The following GSTA4 variants were observed in gnomAD, a reference collection of about 807,000 sequenced individuals.
GSTA4 encodes glutathione S-transferase alpha 4.
GSTA4 carries 15 observed loss-of-function variants against 24.4 expected under a neutral mutation model. The ratio of observed to expected loss-of-function variants is 0.61; its 90% CI spans 0.41 to 0.95. GSTA4 has a LOEUF of 0.95. Among genes scored for constraint, GSTA4 ranks in the 40% least tolerant of loss-of-function variants. The pLI is 0.00. For synonymous variants in GSTA4, 92 were observed against 94.2 expected (o/e 0.98, Z 0.13); for missense variants, 244 against 262.1 (o/e 0.93, Z 0.48).
rs10658673 is a variant in GSTA4, at chr6:52,980,311, G to GTTTT, written c.547-1723_547-1720dup. ...TGCATGCCTGGAAAGATTTCACTTTGTTTTTTTTTTTGAGACACAGTTTTG... is the reference window on the plus strand; with the variant it reads ...TGCATGCCTGGAAAGATTTCACTTTGTTTTTTTTTTTTTTTGAGACACAGTTTTG... On this transcript the variant is annotated intron_variant, in intron 6 of 6. Transcript: ENST00000370963. Among the ~76,000 whole-genome samples the GTTTT allele has an allele frequency of 1.4e-3, 201 of 147,230 alleles. 1 individual carries two copies. The highest frequency in any genetic ancestry group is 2.3e-3 in the African/African-American group (91 of 39,758).
intron 6 of GSTA4, among the ~76,000 whole-genome samples, chr6:52,980,258 T>C (rs2127383061): frequency 6.6e-6 from 1 of 152,222 alleles, no homozygotes; most frequent in Admixed American, 6.5e-5. Flanking sequence ...GAGGTGTGTG[T>C]CTATGTGTAC....
chr6:52,990,903 T>C (rs532102617), intron 2 of GSTA4, among the ~76,000 whole-genome samples: 5 of 152,304 alleles, frequency 3.3e-5, no homozygotes, highest in Non-Finnish European at 7.4e-5. Flanking sequence ...GATCCAACAA[T>C]TGCTGCCCTG....
chr6:52,990,720 A>G (rs994815673), intron 2 of GSTA4, among the ~76,000 whole-genome samples: 1 of 152,240 alleles, frequency 6.6e-6, no homozygotes, highest in African/African-American at 2.4e-5. Context: ...TCCATTCAAA[A>G]CCTATGAAAT....
intron 2 of GSTA4, among the ~76,000 whole-genome samples, chr6:52,990,066 A>G (rs533522505): frequency 6.6e-5 from 10 of 152,270 alleles, no homozygotes; most frequent in Admixed American, 3.3e-4. Flanking sequence ...CTCCCAGTTA[A>G]TGGTAGAAAT....
chr6:52,994,800 C>T (rs1561988607), intron 1 of GSTA4, among the ~76,000 whole-genome samples: 3 of 152,132 alleles, frequency 2.0e-5, no homozygotes, highest in Admixed American at 6.5e-5. Context: ...GGCTGCGCCC[C>T]CCGGGTCCCG....
intron 5 of GSTA4, among the ~76,000 whole-genome samples, chr6:52,983,758 A>T (rs943086786): frequency 6.6e-6 from 1 of 152,160 alleles, no homozygotes; most frequent in Non-Finnish European, 1.5e-5. Context: ...ATCCTATTTT[A>T]CATTCACAAA....
chr6:52,979,738 C>T (rs1452373418), intron 6 of GSTA4, among the ~76,000 whole-genome samples: 1 of 152,196 alleles, frequency 6.6e-6, no homozygotes, highest in Non-Finnish European at 1.5e-5. Context: ...ATTAAGCACA[C>T]ACACAAACAT....
chr6:52,993,056 T>G (rs1485065810), intron 2 of GSTA4, among the ~76,000 whole-genome samples: 1 of 151,286 alleles, frequency 6.6e-6, no homozygotes, highest in Non-Finnish European at 1.5e-5. Flanking sequence ...TGAGCCGAGA[T>G]CACACCACTG....
intron 5 of GSTA4, 28 bp downstream of exon 5, chr6:52,984,436 T>C: frequency 6.3e-7 from 1 of 1,590,176 alleles, no homozygotes; most frequent in Non-Finnish European, 8.5e-7. Context: ...TTGGTTGCTC[T>C]GTGTATGTAG....
intron 3 of GSTA4, among the ~76,000 whole-genome samples, chr6:52,987,124 T>A (rs544070288): frequency 6.6e-6 from 1 of 152,154 alleles, no homozygotes; most frequent in Non-Finnish European, 1.5e-5. Flanking sequence ...GGAGAGGAGC[T>A]GTTCACCGGG....
intron 5 of GSTA4, among the ~76,000 whole-genome samples, chr6:52,983,821 C>T (rs1763499033): frequency 6.6e-6 from 1 of 152,166 alleles, no homozygotes; most frequent in Non-Finnish European, 1.5e-5. Context: ...CCAGAAAATA[C>T]CTCTCCTTTT....
At chr6:52,991,381 A>G (rs6904771) in intron 2 of GSTA4, among the ~76,000 whole-genome samples, 11,769 of 152,254 alleles carry the variant, frequency 0.077, 1,231 homozygotes, top group African/African-American at 0.23. Context: ...TGGGGTTGAT[A>G]TCACAGGAAC....
chr6:52,989,628 G>A lies in GSTA4; in HGVS notation c.88-2220C>T, dbSNP rs545223473. On this transcript the variant is annotated intron_variant, in intron 2 of 6. Coordinates refer to ENST00000370963, the MANE Select transcript of GSTA4 (RefSeq NM_001512.4). ...GTGGGTGCTCATGGTGTGAGGAAAG[G>A]AGCCTCAATGCTCCCAGAGGATCTC... Among the ~76,000 whole-genome samples the A allele has an allele frequency of 5.9e-5, 9 of 152,298 alleles. No homozygotes were observed. The South Asian group carries it at 1.9e-3, about 32-fold the overall frequency.
At chr6:52,982,553 C>T in intron 6 of GSTA4, 21 bp downstream of exon 6, 1 of 1,596,676 alleles carries the variant, frequency 6.3e-7, no homozygotes, top group Non-Finnish European at 8.6e-7. Context: ...GGCCAATCTT[C>T]TAATACATAG....
intron 2 of GSTA4, among the ~76,000 whole-genome samples, chr6:52,992,147 G>A (rs879600352): frequency 3.3e-5 from 5 of 152,076 alleles, no homozygotes; most frequent in Admixed American, 6.5e-5. Context: ...ATTTTATACT[G>A]TCAGAAAGTG....
At chr6:52,989,346 G>C (rs555070994) in intron 2 of GSTA4, among the ~76,000 whole-genome samples, 5 of 152,250 alleles carry the variant, frequency 3.3e-5, no homozygotes, top group African/African-American at 1.2e-4. Context: ...TTGCACTGCA[G>C]ACTCGCCTGA....
chr6:52,981,923 T>A (rs1343470747), intron 6 of GSTA4, among the ~76,000 whole-genome samples: 1 of 152,234 alleles, frequency 6.6e-6, no homozygotes, highest in Non-Finnish European at 1.5e-5. Flanking sequence ...TCCTTGGAAT[T>A]CTCAGAAGGA....
At chr6:52,983,636 G>A (rs990938263) in intron 5 of GSTA4, among the ~76,000 whole-genome samples, 3 of 152,274 alleles carry the variant, frequency 2.0e-5, no homozygotes, top group African/African-American at 4.8e-5. Context: ...CCTCATAGGC[G>A]TGTTGCAAGA....
chr6:52,989,379 A>G (rs1763622305), intron 2 of GSTA4, among the ~76,000 whole-genome samples: 1 of 152,218 alleles, frequency 6.6e-6, no homozygotes, highest in African/African-American at 2.4e-5. Context: ...TGCAAGATCC[A>G]AGAACCCTCG....
Sources: gnomAD v4.1 joint callset for allele counts (sites outside exome capture counted in the v4.1 genomes callset) on GRCh38, gnomAD v4.1.1 for gene constraint, MANE v1.5 for transcripts, NCBI Gene and HGNC (gene_info 2026-07-23, HGNC 2026-07-21) for gene names.